CACNA1S: variants seen among roughly 807,000 people sequenced by gnomAD.
CACNA1S encodes calcium voltage-gated channel subunit alpha1 S.
Under a neutral mutation model 207.4 loss-of-function variants are expected in CACNA1S, and 126 were observed. The observed-to-expected ratio is 0.61, with a 90% CI of 0.53 to 0.70. CACNA1S has a LOEUF of 0.70. Ranked by LOEUF, CACNA1S falls within the 30% of genes least tolerant of loss-of-function variation. The probability of loss-of-function intolerance (pLI) is 0.00; values close to 1 mark genes in which losing one functional copy is unlikely to be tolerated. For synonymous variants in CACNA1S, 960 were observed against 932.7 expected, an observed-to-expected ratio of 1.03 and a Z score of -0.53; for missense variants, 2,349 against 2,422.8, an observed-to-expected ratio of 0.97 and a Z score of 0.64.
chr1:201,094,161 C>T (rs930628802), intron 2 of CACNA1S, 140 bp from the exon 3 acceptor site: 49 of 900,646 alleles, frequency 5.4e-5, no homozygotes, highest in Non-Finnish European at 7.7e-5. Flanking sequence ...GATGGAATGC[C>T]TACCCCCCCA....
intron 36 of CACNA1S, 103 bp downstream of exon 36, chr1:201,048,479 A>C: frequency 3.0e-6 from 3 of 1,015,578 alleles, no homozygotes; most frequent in Admixed American, 1.9e-5. Context: ...ACTTCTTCCC[A>C]CAGTTCTTAA....
intron 2 of CACNA1S, among the ~76,000 whole-genome samples, chr1:201,099,474 CCTT>C (rs1662561159): frequency 1.3e-5 from 2 of 152,218 alleles, no homozygotes; most frequent in Non-Finnish European, 2.9e-5. Flanking sequence ...CTGAAAATCT[CCTT>C]CTTTAGGTTC....
At chr1:201,108,026 A>G (rs1268302362) in intron 2 of CACNA1S, among the ~76,000 whole-genome samples, 1 of 152,128 alleles carries the variant, frequency 6.6e-6, no homozygotes, top group Non-Finnish European at 1.5e-5. Flanking sequence ...CTAAAGAAAA[A>G]CATACACAGG....
At chr1:201,092,904 G>A (rs1391475664) in intron 3 of CACNA1S, among the ~76,000 whole-genome samples, 3 of 152,190 alleles carry the variant, frequency 2.0e-5, no homozygotes, top group South Asian at 2.1e-4. Context: ...CTCTGGAGCC[G>A]AGACTGCTTT....
Position 201,083,331 on chromosome 1 carries a change from G to T in CACNA1S, c.1233-9C>A. 6.2e-7 allele frequency: 1 copy of T among 1,614,042 alleles called. No homozygotes were observed. Among genetic ancestry groups the T allele is most frequent in the South Asian group, 1.1e-5 (1 of 91,072 alleles). ...ACTGCCTCCAATGTCGGCTGAGGGAGGGGACAGAGGATGGTCTACAGTGCT... is the reference window on the plus strand; with the variant it reads ...ACTGCCTCCAATGTCGGCTGAGGGATGGGACAGAGGATGGTCTACAGTGCT... On this transcript the variant is annotated splice_polypyrimidine_tract_variant and intron_variant, in intron 9 of 43. Transcript: ENST00000362061.
chr1:201,049,078 G>A lies in CACNA1S; in HGVS notation c.4263C>T (p.Asp1421=), dbSNP rs368436684. The A allele has an allele frequency of 8.1e-6, 13 of 1,613,092 alleles. No individual in the cohort carries two copies. Among genetic ancestry groups the A allele is most frequent in the African/African-American group, 5.3e-5 (4 of 75,026 alleles). The change falls in exon 35 of 44, where the codon GAC becomes GAT. Residue 1421 remains aspartate, a synonymous_variant. Coordinates refer to ENST00000362061, the MANE Select transcript of CACNA1S (RefSeq NM_000069.3). The stretch of plus-strand genomic sequence containing the variant: ...GAATCCTTCTCAGCAGGGTCACCAC[G>A]TCCAGGTGTTTGATTCTCCCCCTGC... ...PEAKGRIKHL[D]VVTLLRRIQP...
chr1:201,066,326 G>A lies in CACNA1S; in HGVS notation c.2658-10C>T, dbSNP rs760659248. On this transcript the variant is annotated splice_polypyrimidine_tract_variant and intron_variant, in intron 20 of 43. Transcript: ENST00000362061. This position sits in a 1 kb window ranked among gnomAD's most constrained non-coding sequence, Gnocchi z 4.3. The stretch of plus-strand genomic sequence containing the variant: ...GGAGATGGCACTGGACCTGGGGGGC[G>A]GCAATGGTGAGGGGGCTGAGGGCAG... The A allele has an allele frequency of 1.1e-5, 18 of 1,608,204 alleles. No homozygotes were observed. Among genetic ancestry groups the A allele is most frequent in the Admixed American group, 1.0e-4 (6 of 59,986 alleles).
At chr1:201,057,801 T>C (rs927877774) in intron 28 of CACNA1S, among the ~76,000 whole-genome samples, 2 of 115,300 alleles carry the variant, frequency 1.7e-5, no homozygotes, top group Admixed American at 2.0e-4. Context: ...ATCTCTATAT[T>C]TCAAAAACAT....
At chr1:201,080,777 C>T (rs910721841) in intron 10 of CACNA1S, among the ~76,000 whole-genome samples, 1 of 151,848 alleles carries the variant, frequency 6.6e-6, no homozygotes, top group Non-Finnish European at 1.5e-5. Context: ...TAATTGTGAT[C>T]TCATCTTCAG....
chr1:201,040,482 G>A, intron 42 of CACNA1S, 108 bp from the exon 43 acceptor site: 1 of 1,463,328 alleles, frequency 6.8e-7, no homozygotes, highest in Non-Finnish European at 9.5e-7. Flanking sequence ...CACAGAAAGG[G>A]GAGGATGGAG....
Position 201,071,765 on chromosome 1 carries a change from T to C in CACNA1S, c.2227+990A>G, listed in dbSNP as rs78376037. Among the ~76,000 whole-genome samples, 964 of 152,350 alleles carry C rather than the reference T, an allele frequency of 6.3e-3. 9 individuals are homozygous for C. The highest frequency in any genetic ancestry group is 0.022 in the African/African-American group (920 of 41,580). ...TTAGATGAAACAACTCAAAATGAGT[T>C]ATTCTAAAACACAAATATTCATTGC... is the stretch of plus-strand genomic sequence containing the variant. On this transcript the variant is annotated intron_variant, in intron 16 of 43. Transcript: ENST00000362061.
chr1:201,089,604 A>C (rs1038721692), intron 5 of CACNA1S, 141 bp from the exon 6 acceptor site: 3 of 819,470 alleles, frequency 3.7e-6, no homozygotes, highest in Admixed American at 2.0e-5. Flanking sequence ...ACAGCTTCAC[A>C]TGGAGCAGAC....
chr1:201,041,252 A>G (rs1004335903), intron 41 of CACNA1S, among the ~76,000 whole-genome samples: 1 of 152,118 alleles, frequency 6.6e-6, no homozygotes, highest in African/African-American at 2.4e-5. Flanking sequence ...GGAGGCCTGC[A>G]GAGGGCCCTT....
intron 40 of CACNA1S, chr1:201,042,818 T>C: frequency 1.7e-5 from 3 of 178,540 alleles, no homozygotes; most frequent in Non-Finnish European, 2.4e-5. Flanking sequence ...ATCCTGCTGT[T>C]TTTTATGACA....
At chr1:201,062,772 C>T (rs769408252) in intron 22 of CACNA1S, among the ~76,000 whole-genome samples, 5 of 152,224 alleles carry the variant, frequency 3.3e-5, no homozygotes, top group African/African-American at 9.6e-5. Context: ...CTGCCAAGAC[C>T]GAGAAGGCAG....
intron 1 of CACNA1S, among the ~76,000 whole-genome samples, chr1:201,111,501 C>T (rs778556819): frequency 3.9e-5 from 6 of 152,108 alleles, no homozygotes; most frequent in South Asian, 2.1e-4. Context: ...CAGGGTGGCA[C>T]GTCTGAGCTA....
chr1:201,088,771 G>A (rs961702863), intron 6 of CACNA1S, among the ~76,000 whole-genome samples: 3 of 152,206 alleles, frequency 2.0e-5, no homozygotes, highest in Admixed American at 2.0e-4. Context: ...TCTTACTGGA[G>A]TGTTGACTGT....
Position 201,039,793 on chromosome 1 carries a change from C to A in CACNA1S, c.*38G>T. 5 of 1,600,064 alleles carry A rather than the reference C, an allele frequency of 3.1e-6. No individual in the cohort carries two copies. In the South Asian group the frequency reaches 5.5e-5, roughly 18 times the overall value. On this transcript the variant is annotated 3_prime_UTR_variant, in exon 44 of 44. Coordinates refer to ENST00000362061, the MANE Select transcript of CACNA1S (RefSeq NM_000069.3). The stretch of plus-strand genomic sequence containing the variant: ...CAGCAACTTCCCCACCCCCATTGGT[C>A]ATGCCAGCTCTAAGCCCATGCTGAT...
intron 2 of CACNA1S, among the ~76,000 whole-genome samples, chr1:201,102,638 G>A (rs939706759): frequency 3.3e-5 from 5 of 152,130 alleles, no homozygotes; most frequent in African/African-American, 4.8e-5. Context: ...GACGACAGCC[G>A]ACTAAGGTAG....
Sources: gnomAD v4.1 joint callset for allele counts (sites outside exome capture counted in the v4.1 genomes callset) on GRCh38, gnomAD v4.1.1 for gene constraint, Gnocchi (gnomAD v3.1) non-coding constraint, MANE v1.5 for transcripts, NCBI Gene and HGNC (gene_info 2026-07-23, HGNC 2026-07-21) for gene names.